Variants in ZDHHC11 observed in about 807,000 individuals in gnomAD.
ZDHHC11 encodes palmitoyltransferase ZDHHC11.
In ZDHHC11, 44 loss-of-function variants were observed where a neutral mutation model predicts 51.3. The observed-to-expected ratio is 0.86, with a 90% confidence interval of 0.67 to 1.10. The LOEUF (loss-of-function observed/expected upper bound fraction) is 1.10, where lower values mean the gene tolerates loss of function less well. Ranked by LOEUF, ZDHHC11 falls within the 50% of genes least tolerant of loss-of-function variation. The pLI, the probability that ZDHHC11 is intolerant of heterozygous loss-of-function variation, is 0.00. For synonymous variants in ZDHHC11, 163 were observed against 222.0 expected (o/e 0.73, Z 2.36); for missense variants, 400 against 537.7 (o/e 0.74, Z 2.53).
At chr5:821,963 G>A (rs1380038879) in intron 8 of ZDHHC11, 68 bp from the exon 9 acceptor site, 3 of 1,428,166 alleles carry the variant, frequency 2.1e-6, no homozygotes, top group Non-Finnish European at 2.9e-6. Context: ...AAAAATTCAA[G>A]TCCATTTCTA....
chr5:858,132 C>T (rs1748526661), intron 1 of ZDHHC11, among the ~76,000 whole-genome samples: 1 of 143,292 alleles, frequency 7.0e-6, no homozygotes, highest in Non-Finnish European at 1.5e-5. Context: ...ATCTTTATGA[C>T]ACCGTGGTCC....
chr5:807,760 T>C (rs1561235071), intron 11 of ZDHHC11, among the ~76,000 whole-genome samples: 2 of 152,004 alleles, frequency 1.3e-5, no homozygotes, highest in Admixed American at 6.6e-5. Flanking sequence ...TATGAGATTA[T>C]AGAACCAGCA....
At chr5:846,443 C>T (rs1295132126) in intron 3 of ZDHHC11, among the ~76,000 whole-genome samples, 1 of 151,014 alleles carries the variant, frequency 6.6e-6, no homozygotes, top group Non-Finnish European at 1.5e-5. Flanking sequence ...CTGGATCCTC[C>T]ACTGTGCTCA....
At chr5:833,321 C>A (rs867951373) in intron 7 of ZDHHC11, among the ~76,000 whole-genome samples, 2 of 150,858 alleles carry the variant, frequency 1.3e-5, no homozygotes, top group African/African-American at 4.8e-5. Context: ...AGCCCTGGCC[C>A]TGTTGGGTGG....
At chr5:802,825 C>CAAAAAAAAAAAA (rs70957306) in intron 11 of ZDHHC11, among the ~76,000 whole-genome samples, 4 of 19,116 alleles carry the variant, frequency 2.1e-4, no homozygotes, top group East Asian at 9.1e-4. Context: ...TACAAAAATA[C>CAAAAAAAAAAAA]AAAAAAAAAA....
chr5:849,594 G>C (rs13354533), intron 1 of ZDHHC11: 2 of 152,072 alleles, frequency 1.3e-5, no homozygotes, highest in Non-Finnish European at 2.9e-5. Context: ...GACTCCCTCA[G>C]GGCCCCTCCG....
chr5:855,794 G>A (rs1239976532), upstream of ZDHHC11, among the ~76,000 whole-genome samples: 8 of 148,884 alleles, frequency 5.4e-5, no homozygotes, highest in Non-Finnish European at 1.0e-4. Context: ...AGGACAGTGA[G>A]CAGTGGGGAC....
intron 11 of ZDHHC11, among the ~76,000 whole-genome samples, chr5:808,742 G>A (rs1739655303): frequency 7.0e-6 from 1 of 143,674 alleles, no homozygotes; most frequent in Non-Finnish European, 1.5e-5. Context: ...CTGTCGCCCA[G>A]GCTGGAGTGC....
chr5:825,125 C>A (rs765345910), intron 8 of ZDHHC11, 39 bp downstream of exon 8: 2 of 1,583,744 alleles, frequency 1.3e-6, no homozygotes. Flanking sequence ...CTGCACACGG[C>A]CCTGACCTCG....
chr5:854,131 C>A (rs531297514), upstream of ZDHHC11, among the ~76,000 whole-genome samples: 3 of 141,270 alleles, frequency 2.1e-5, no homozygotes, highest in East Asian at 2.3e-4. Flanking sequence ...CGGGGACAGA[C>A]CCCACAGAGG....
At chr5:821,960 C>G in intron 8 of ZDHHC11, 65 bp from the exon 9 acceptor site, 2 of 1,457,478 alleles carry the variant, frequency 1.4e-6, no homozygotes, top group Middle Eastern at 1.7e-4. Context: ...AAAAAAAATT[C>G]AAGTCCATTT....
chr5:831,373 C>T (rs1007959219), intron 7 of ZDHHC11, among the ~76,000 whole-genome samples: 1 of 149,434 alleles, frequency 6.7e-6, no homozygotes, highest in African/African-American at 2.5e-5. Context: ...CACTTGAAGT[C>T]AAGAGTTCAA....
Position 840,514 on chromosome 5 carries a change from G to C in ZDHHC11, c.765C>G (p.Leu255=), listed in dbSNP as rs1258312079. ...ACATACTCAGGTAGATGTGGAAGATGAGCAGCTGGCCCAGGTGCACCAAGC... is the reference window on the plus strand; with the variant it reads ...ACATACTCAGGTAGATGTGGAAGATCAGCAGCTGGCCCAGGTGCACCAAGC... The part of the protein sequence containing the change: ...FLGLVHLGQL[L]IFHIYLKAKK... Residue 255 remains leucine (L), a synonymous_variant, in exon 5 of 13, where the codon CTC becomes CTG. Transcript: ENST00000283441. 2 of 1,613,630 alleles carry C rather than the reference G, an allele frequency of 1.2e-6. No homozygotes were observed. Among genetic ancestry groups the C allele is most frequent in the African/African-American group, 2.7e-5 (2 of 74,914 alleles).
In ZDHHC11 at chr5:821,906, G is replaced by A; in HGVS notation, c.1024-11C>T. 2 of 1,601,978 alleles carry A rather than the reference G, an allele frequency of 1.2e-6. No homozygotes were observed. Among genetic ancestry groups the A allele is most frequent in the Non-Finnish European group, 1.7e-6 (2 of 1,172,184 alleles). On this transcript the variant is annotated splice_polypyrimidine_tract_variant and intron_variant, in intron 8 of 12. Transcript: ENST00000283441. ...GTCTTCATCCCCTTCCTGTGGGGAAGTGAAGCAAAATTCATAGAATGAATT... is the reference window on the plus strand; with the variant it reads ...GTCTTCATCCCCTTCCTGTGGGGAAATGAAGCAAAATTCATAGAATGAATT...
intron 9 of ZDHHC11, among the ~76,000 whole-genome samples, chr5:820,869 T>C (rs768213920): frequency 6.6e-6 from 1 of 151,374 alleles, no homozygotes; most frequent in African/African-American, 2.4e-5. Context: ...TAAGGTTCTG[T>C]AATTTAAACA....
chr5:834,677 C>A (rs1395145459), intron 6 of ZDHHC11, among the ~76,000 whole-genome samples: 1 of 152,292 alleles, frequency 6.6e-6, no homozygotes, highest in Admixed American at 6.5e-5. Flanking sequence ...TTCACAGATA[C>A]TGTGTTTTTT....
chr5:851,433 G>A (rs181226009), upstream of ZDHHC11, among the ~76,000 whole-genome samples: 2 of 152,176 alleles, frequency 1.3e-5, no homozygotes, highest in Non-Finnish European at 2.9e-5. Context: ...TTGAGGGGCT[G>A]GGCGGTCTCT....
intron 12 of ZDHHC11, among the ~76,000 whole-genome samples, chr5:798,204 C>T (rs1484110256): frequency 6.6e-6 from 1 of 151,046 alleles, no homozygotes; most frequent in Non-Finnish European, 1.5e-5. Context: ...GCTTGATCTT[C>T]CATTTGTATC....
chr5:801,942 G>A (rs1029743924), intron 11 of ZDHHC11, among the ~76,000 whole-genome samples: 4 of 151,380 alleles, frequency 2.6e-5, no homozygotes, highest in African/African-American at 7.3e-5. Context: ...CCATAAATGA[G>A]TAAGGACATT....
Sources: allele counts gnomAD v4.1 joint callset (sites outside exome capture counted in the v4.1 genomes callset), GRCh38; gene constraint gnomAD v4.1.1; transcripts MANE v1.5; gene names NCBI Gene and HGNC (gene_info 2026-07-23, HGNC 2026-07-21).